The following ATG12 variants were observed in gnomAD, a reference collection of about 807,000 sequenced individuals.
The protein encoded by ATG12 is autophagy related 12.
In ATG12, 19 loss-of-function variants were observed where a neutral mutation model predicts 17.6. That is an observed-to-expected ratio of 1.08 (90% CI 0.75 to 1.58). The LOEUF (loss-of-function observed/expected upper bound fraction) is 1.58. ATG12 is among the 40% of genes most tolerant of loss of function. The probability of loss-of-function intolerance (pLI) is 0.00; values close to 1 mark genes in which losing one functional copy is unlikely to be tolerated. For synonymous variants in ATG12, 75 were observed against 62.4 expected (o/e 1.20, Z -0.95); for missense variants, 214 against 162.0 (o/e 1.32, Z -1.74).
rs1760829270 is a variant in ATG12, at chr5:115,830,560, T to C, written c.*1244A>G. 1 of 152,214 alleles carries C rather than the reference T, an allele frequency of 6.6e-6. No homozygotes were observed. Among genetic ancestry groups the C allele is most frequent in the Non-Finnish European group, 1.5e-5 (1 of 68,040 alleles). 9.4% of individuals were successfully genotyped at this position (152,214 alleles called of 1,614,324 possible). A position where few individuals can be genotyped will look rare whatever the true frequency, so the allele number is the denominator to read the frequency against. ...ACTAGAATGCCTTTTTTTTTCTTTT[T>C]TGAGATGGGGTCTCACTCTGTTGCT... On this transcript the variant is annotated 3_prime_UTR_variant, in exon 4 of 4. Coordinates refer to ENST00000509910, the MANE Select transcript of ATG12 (RefSeq NM_004707.4).
At chr5:115,840,786 G>C in intron 1 of ATG12, 2 of 1,195,602 alleles carry the variant, frequency 1.7e-6, no homozygotes, top group Non-Finnish European at 2.1e-6. Flanking sequence ...AAAGGGTTGA[G>C]GATAGCTGAC....
chr5:115,840,642 G>C lies in ATG12; in HGVS notation c.163+748C>G, dbSNP rs768460102. On this transcript the variant is annotated intron_variant, in intron 1 of 3. Coordinates refer to ENST00000509910, the MANE Select transcript of ATG12 (RefSeq NM_004707.4). Reference sequence around the variant, plus strand: ...AGACAGAACGGGGAAAACGTCTAAGGACGAAATCAGCCTCTCTGAATCGAG... The same window carrying C: ...AGACAGAACGGGGAAAACGTCTAAGCACGAAATCAGCCTCTCTGAATCGAG... The C allele has an allele frequency of 2.9e-5, 36 of 1,250,252 alleles. No individual in the cohort carries two copies. The South Asian group carries it at 4.8e-4, about 17-fold the overall frequency. The allele number at this position is 1,250,252 out of a possible 1,614,324, so 77.4% of individuals were successfully genotyped here.
At chr5:115,835,761 G>A (rs867683666) in intron 2 of ATG12, among the ~76,000 whole-genome samples, 8 of 152,188 alleles carry the variant, frequency 5.3e-5, no homozygotes, top group Admixed American at 3.9e-4. Context: ...ACTTTTCTCA[G>A]TGCCGTCAGA....
rs773015600 is a variant in ATG12, at chr5:115,828,281, G to C, written c.*3523C>G. 2 of 152,058 alleles carry C rather than the reference G, an allele frequency of 1.3e-5. No homozygotes were observed. The highest frequency in any genetic ancestry group is 2.9e-5 in the Non-Finnish European group (2 of 67,984). 9.4% of individuals were successfully genotyped at this position (152,058 alleles called of 1,614,324 possible). A position where few individuals can be genotyped will look rare whatever the true frequency, so the allele number is the denominator to read the frequency against. On this transcript the variant is annotated 3_prime_UTR_variant, in exon 4 of 4. Coordinates refer to ENST00000509910, the MANE Select transcript of ATG12 (RefSeq NM_004707.4). ...TCAATATGTGAATGACAGGTTATAC[G>C]AACAAACTGAAGTTTATACTTACGT...
chr5:115,835,576 G>T (rs1335971680), intron 2 of ATG12, among the ~76,000 whole-genome samples: 1 of 151,848 alleles, frequency 6.6e-6, no homozygotes, highest in Non-Finnish European at 1.5e-5. Flanking sequence ...CCTCAGTATG[G>T]GGTCCCAGAG....
chr5:115,832,580 T>TC, intron 3 of ATG12, 22 bp downstream of exon 3: 1 of 1,358,678 alleles, frequency 7.4e-7, no homozygotes, highest in Non-Finnish European at 9.5e-7. Context: ...TCTTTTTTTT[T>TC]TTTTTTTTTT....
chr5:115,829,995 T>G lies in ATG12; in HGVS notation c.*1809A>C, dbSNP rs1760798719. ...AGGCGGGTGTGGTGGCAGGTGCCTG[T>G]AATCCCAGCTACTCAGGAGGCTGAG... On this transcript the variant is annotated 3_prime_UTR_variant, in exon 4 of 4. Transcript: ENST00000509910. The G allele has an allele frequency of 6.6e-6, 1 of 151,902 alleles. No homozygotes were observed. The highest frequency in any genetic ancestry group is 6.6e-5 in the Admixed American group (1 of 15,204). The allele number at this position is 151,902 out of a possible 1,614,324, so 9.4% of individuals were successfully genotyped here. A position where few individuals can be genotyped will look rare whatever the true frequency, so the allele number is the denominator to read the frequency against.
intron 1 of ATG12, chr5:115,838,380 A>C (rs1292973142): frequency 6.6e-6 from 1 of 152,296 alleles, no homozygotes; most frequent in Non-Finnish European, 1.5e-5. Context: ...GAATGTAGTA[A>C]ACCGCATACA....
At chr5:115,836,149 C>A (rs1180096069) in intron 2 of ATG12, among the ~76,000 whole-genome samples, 2 of 152,066 alleles carry the variant, frequency 1.3e-5, no homozygotes, top group Admixed American at 1.3e-4. Context: ...TAATCATATT[C>A]ACTACAGAGG....
intron 1 of ATG12, among the ~76,000 whole-genome samples, chr5:115,840,234 T>G (rs1761310850): frequency 6.6e-6 from 1 of 152,014 alleles, no homozygotes; most frequent in African/African-American, 2.4e-5. Context: ...AGGGGGGCAG[T>G]CTTGGGAGAG....
chr5:115,834,353 A>G (rs550967000), intron 2 of ATG12: 16 of 152,370 alleles, frequency 1.1e-4, no homozygotes, highest in African/African-American at 3.6e-4. Flanking sequence ...AAAGCTCTAT[A>G]TAAGTAACAG....
intron 1 of ATG12, among the ~76,000 whole-genome samples, chr5:115,840,240 G>A (rs1761311549): frequency 2.0e-5 from 3 of 152,074 alleles, no homozygotes; most frequent in Admixed American, 1.3e-4. Context: ...GCAGTCTTGG[G>A]AGAGAATTAT....
intron 2 of ATG12, among the ~76,000 whole-genome samples, chr5:115,835,380 A>T (rs1761051011): frequency 6.6e-6 from 1 of 152,076 alleles, no homozygotes; most frequent in Non-Finnish European, 1.5e-5. Flanking sequence ...GAATGAGGTG[A>T]ATTAGGGTAG....
At chr5:115,839,701 A>T (rs1761252319) in intron 1 of ATG12, among the ~76,000 whole-genome samples, 1 of 152,248 alleles carries the variant, frequency 6.6e-6, no homozygotes, top group African/African-American at 2.4e-5. Context: ...ACATACCTCC[A>T]GTGCCAAAAC....
At position 115,830,973 on chromosome 5, in the gene ATG12, G is replaced by C. The variant is rs1215210429; in HGVS notation, c.*831C>G. 1.3e-5 allele frequency: 2 copies of C among 152,088 alleles called. No individual in the cohort carries two copies. The highest frequency in any genetic ancestry group is 1.9e-4 in the East Asian group (1 of 5,206). The allele number at this position is 152,088 out of a possible 1,614,324, so 9.4% of individuals were successfully genotyped here. A position where few individuals can be genotyped will look rare whatever the true frequency, so the allele number is the denominator to read the frequency against. ...ACAATAAGGCTATTTTTCAATTATT[G>C]TTTTCAAGTTGGAAAATGCATTATG... is the stretch of plus-strand genomic sequence containing the variant. On this transcript the variant is annotated 3_prime_UTR_variant, in exon 4 of 4. Transcript: ENST00000509910.
intron 2 of ATG12, 40 bp downstream of exon 2, chr5:115,837,588 T>C: frequency 6.2e-7 from 1 of 1,606,574 alleles, no homozygotes; most frequent in East Asian, 2.2e-5. Context: ...TAGGAACTAC[T>C]GCAAATTTTT....
At chr5:115,840,172 G>A (rs904441349) in intron 1 of ATG12, among the ~76,000 whole-genome samples, 1 of 152,150 alleles carries the variant, frequency 6.6e-6, no homozygotes, top group Non-Finnish European at 1.5e-5. Context: ...GGCTATCCAT[G>A]GAAATACTTA....
At chr5:115,832,567 CTTTCTT>C (rs878966241) in intron 3 of ATG12, 29 bp downstream of exon 3, 49,974 of 1,057,676 alleles carry the variant, frequency 0.047, 2,860 homozygotes, top group Admixed American at 0.16. Flanking sequence ...GCAGTAATTT[CTTTCTT>C]TTTTTTTTTT....
Position 115,831,383 on chromosome 5 carries a change from T to G in ATG12, c.*421A>C, listed in dbSNP as rs1232241527. The G allele has an allele frequency of 5.7e-6, 1 of 174,944 alleles. No individual in the cohort carries two copies. Among genetic ancestry groups the G allele is most frequent in the African/African-American group, 2.4e-5 (1 of 41,634 alleles). 10.8% of individuals were successfully genotyped at this position (174,944 alleles called of 1,614,324 possible). ...TTGAGGTATTCAGCCAGCAGGTCAATGTGACTAAAAAGGTAAACATAGAGA... is the reference window on the plus strand; with the variant it reads ...TTGAGGTATTCAGCCAGCAGGTCAAGGTGACTAAAAAGGTAAACATAGAGA... On this transcript the variant is annotated 3_prime_UTR_variant, in exon 4 of 4. Coordinates refer to ENST00000509910, the MANE Select transcript of ATG12 (RefSeq NM_004707.4).
Sources: allele counts gnomAD v4.1 joint callset (sites outside exome capture counted in the v4.1 genomes callset), GRCh38; gene constraint gnomAD v4.1.1; transcripts MANE v1.5; gene names NCBI Gene and HGNC (gene_info 2026-07-23, HGNC 2026-07-21).